The following NSD3 variants were observed in gnomAD, a reference collection of about 807,000 sequenced individuals.
The protein encoded by NSD3 is histone-lysine N-methyltransferase NSD3.
A neutral mutation model predicts 160.8 loss-of-function variants in NSD3; 24 were observed. The observed-to-expected ratio is 0.15, with a 90% CI of 0.11 to 0.21. The LOEUF is 0.21. NSD3 is among the 10% of genes least tolerant of loss of function. The pLI is 1.00. For missense variants in NSD3, 1,157 were observed against 1,735.9 expected (o/e 0.67, Z 5.93); for synonymous variants, 520 against 600.0 (o/e 0.87, Z 1.95).
chr8:38,288,851 G>A lies in NSD3; in HGVS notation c.3232-95C>T. 2 of 1,462,774 alleles carry A rather than the reference G, an allele frequency of 1.4e-6. No homozygotes were observed. Among genetic ancestry groups the A allele is most frequent in the Non-Finnish European group, 1.8e-6 (2 of 1,081,890 alleles). The allele number at this position is 1,462,774 out of a possible 1,614,324, so 90.6% of individuals were successfully genotyped here. A position where few individuals can be genotyped will look rare whatever the true frequency, so the allele number is the denominator to read the frequency against. On this transcript the variant is annotated intron_variant, in intron 18 of 23. Transcript: ENST00000317025. This position sits in a 1 kb window ranked among gnomAD's most constrained non-coding sequence, Gnocchi z 4.5. ...TAAAACATCCACGCTACTGCCTCGT[G>A]GTGCTACTCCGAGAAAGGTTGTCTT...
chr8:38,296,911 T>C (rs1167001407), intron 15 of NSD3, among the ~76,000 whole-genome samples: 3 of 152,112 alleles, frequency 2.0e-5, no homozygotes, highest in Non-Finnish European at 4.4e-5. Flanking sequence ...ATTTCTCCGA[T>C]TTTTATTAAC....
chr8:38,345,698 G>A (rs1810502563), intron 2 of NSD3, among the ~76,000 whole-genome samples: 1 of 151,830 alleles, frequency 6.6e-6, no homozygotes, highest in African/African-American at 2.4e-5. Flanking sequence ...ATCACCTGAG[G>A]TCGGGAGTTT....
chr8:38,333,441 C>T (rs570481793), intron 4 of NSD3, among the ~76,000 whole-genome samples: 14 of 152,258 alleles, frequency 9.2e-5, no homozygotes, highest in African/African-American at 3.4e-4. Context: ...TTAATGAGTC[C>T]TAAATAATAA....
intron 5 of NSD3, among the ~76,000 whole-genome samples, chr8:38,330,362 A>G (rs1468111071): frequency 6.6e-6 from 1 of 152,202 alleles, no homozygotes; most frequent in East Asian, 1.9e-4. Context: ...CAATGCATGC[A>G]GGGACAGAAT....
chr8:38,277,941 T>G (rs1316803509), intron 22 of NSD3, among the ~76,000 whole-genome samples: 2 of 144,924 alleles, frequency 1.4e-5, no homozygotes, highest in African/African-American at 2.5e-5. Flanking sequence ...ACAGACTTCT[T>G]TTTTTTTTTT....
intron 4 of NSD3, among the ~76,000 whole-genome samples, chr8:38,335,594 A>G (rs928940756): frequency 1.3e-5 from 2 of 151,854 alleles, no homozygotes; most frequent in African/African-American, 4.9e-5. Context: ...TTTCCCACTC[A>G]TATAACCATA....
intron 12 of NSD3, among the ~76,000 whole-genome samples, chr8:38,306,233 TAC>T (rs1458745172): frequency 6.6e-6 from 1 of 152,098 alleles, no homozygotes; most frequent in Non-Finnish European, 1.5e-5. Flanking sequence ...CTACCAATCC[TAC>T]AAACATTAAA....
chr8:38,341,559 T>C (rs1810367424), intron 2 of NSD3, among the ~76,000 whole-genome samples: 1 of 145,292 alleles, frequency 6.9e-6, no homozygotes, highest in Non-Finnish European at 1.5e-5. Flanking sequence ...AAAAGAAAAA[T>C]TACAATCTAA....
chr8:38,292,609 C>T (rs1405398171), intron 16 of NSD3, among the ~76,000 whole-genome samples: 3 of 151,688 alleles, frequency 2.0e-5, no homozygotes, highest in African/African-American at 7.3e-5. Context: ...GGTGAAACCC[C>T]ATCTCTACTA....
At chr8:38,303,397 T>C in intron 14 of NSD3, 1 of 985,438 alleles carries the variant, frequency 1.0e-6, no homozygotes, top group Non-Finnish European at 1.2e-6. Flanking sequence ...CATTTGACAC[T>C]GCTGTAGTTA....
intron 16 of NSD3, among the ~76,000 whole-genome samples, chr8:38,292,388 T>C (rs1170103065): frequency 6.6e-6 from 1 of 152,230 alleles, no homozygotes; most frequent in Non-Finnish European, 1.5e-5. Context: ...GGCTCAGGCC[T>C]GTAATCCCAG....
intron 2 of NSD3, 36 bp from the exon 3 acceptor site, chr8:38,338,643 G>A: frequency 2.0e-6 from 3 of 1,516,388 alleles, no homozygotes; most frequent in South Asian, 1.1e-5. Context: ...GAATAAAATG[G>A]CATTAAATAA....
chr8:38,358,647 G>A (rs1415504350), intron 1 of NSD3, among the ~76,000 whole-genome samples: 1 of 152,132 alleles, frequency 6.6e-6, no homozygotes, highest in Admixed American at 6.5e-5. Context: ...TAGATTCTGT[G>A]AAGTATAAAG....
In NSD3 at chr8:38,373,227, C is replaced by CTT. The variant is rs531629500; in HGVS notation, c.-45+8570_-45+8571dup. On this transcript the variant is annotated intron_variant, in intron 1 of 23. Transcript: ENST00000317025. ...GGTGATAGTTACCCGATGTTCACTT[C>CTT]TTTTTTTTTTTGAGATGGAGAGTCT... Among the ~76,000 whole-genome samples the CTT allele has an allele frequency of 2.1e-5, 3 of 146,278 alleles. No individual in the cohort carries two copies. The South Asian group carries it at 6.5e-4, about 32-fold the overall frequency.
At chr8:38,339,088 C>T (rs548133748) in intron 2 of NSD3, among the ~76,000 whole-genome samples, 6 of 149,148 alleles carry the variant, frequency 4.0e-5, no homozygotes, top group African/African-American at 1.2e-4. Context: ...TGCAGTGAGC[C>T]GAGATTGTGC....
In NSD3 at chr8:38,274,154, A is replaced by G. The variant is rs1808546537; in HGVS notation, c.*1487T>C. On this transcript the variant is annotated 3_prime_UTR_variant, in exon 24 of 24. Transcript: ENST00000317025. The stretch of plus-strand genomic sequence containing the variant: ...GCAGTCAAAATTCACAGAGAAAGTT[A>G]ACATTCATTCAAGCTAACCCTAGAC... The G allele has an allele frequency of 6.6e-6, 1 of 152,208 alleles. No homozygotes were observed. The highest frequency in any genetic ancestry group is 6.5e-5 in the Admixed American group (1 of 15,286). The allele number at this position is 152,208 out of a possible 1,614,324, so 9.4% of individuals were successfully genotyped here.
At chr8:38,359,910 T>C (rs1203186579) in intron 1 of NSD3, among the ~76,000 whole-genome samples, 43 of 152,206 alleles carry the variant, frequency 2.8e-4, no homozygotes, top group Admixed American at 2.8e-3. Context: ...GTTATACAGT[T>C]GGCAGTTACA....
intron 10 of NSD3, among the ~76,000 whole-genome samples, 177 bp downstream of exon 10, chr8:38,315,735 C>T (rs1809644527): frequency 3.3e-5 from 5 of 152,158 alleles, no homozygotes. Context: ...GTTAAAATTA[C>T]AAACAAACTA....
Position 38,295,839 on chromosome 8 carries a change from G to A in NSD3, c.2872C>T (p.Leu958=). The change falls in exon 16 of 24, where the codon CTA becomes TTA. Residue 958 remains leucine (L), a synonymous_variant. Coordinates refer to ENST00000317025, the MANE Select transcript of NSD3 (RefSeq NM_023034.2). Reference sequence around the variant, plus strand: ...ACCCAAACAATCTGCTTGTAATGTAGTTTCTTGCCAGCTTTACAGTCATTA... The same window carrying A: ...ACCCAAACAATCTGCTTGTAATGTAATTTCTTGCCAGCTTTACAGTCATTA... ...NCNDCKAGKK[L]HYKQIVWVKL... 6.2e-7 allele frequency: 1 copy of A among 1,613,682 alleles called. No individual in the cohort carries two copies. The highest frequency in any genetic ancestry group is 1.1e-5 in the South Asian group (1 of 90,910).
Sources: allele counts gnomAD v4.1 joint callset (sites outside exome capture counted in the v4.1 genomes callset), GRCh38; gene constraint gnomAD v4.1.1; non-coding constraint Gnocchi (gnomAD v3.1); transcripts MANE v1.5; gene names NCBI Gene and HGNC (gene_info 2026-07-23, HGNC 2026-07-21).